Variants in KCND2 observed in about 807,000 individuals in gnomAD.
KCND2 encodes A-type voltage-gated potassium channel KCND2.
KCND2 carries 16 observed loss-of-function variants against 54.4 expected under a neutral mutation model. The observed-to-expected ratio is 0.29, with a 90% CI of 0.20 to 0.45. The LOEUF (loss-of-function observed/expected upper bound fraction) is 0.45, where lower values mean the gene tolerates loss of function less well. Among genes scored for constraint, KCND2 ranks in the 20% least tolerant of loss-of-function variants. KCND2 has a pLI of 1.00. For missense variants in KCND2, 486 were observed against 824.2 expected, an observed-to-expected ratio of 0.59 and a Z score of 5.02; for synonymous variants, 317 against 310.7, an observed-to-expected ratio of 1.02 and a Z score of -0.21.
chr7:120,645,657 A>T (rs1254089672), intron 1 of KCND2, among the ~76,000 whole-genome samples: 1 of 151,466 alleles, frequency 6.6e-6, no homozygotes, highest in African/African-American at 2.4e-5. Context: ...TCTGCTTCCA[A>T]TGGCTGGCCA....
intron 1 of KCND2, among the ~76,000 whole-genome samples, chr7:120,715,182 C>G (rs1178884745): frequency 1.3e-5 from 2 of 151,856 alleles, no homozygotes; most frequent in East Asian, 3.9e-4. Context: ...AGGGATTTGG[C>G]ACAGTTTTTA....
intron 1 of KCND2, among the ~76,000 whole-genome samples, chr7:120,603,346 C>T (rs1792838251): frequency 6.6e-6 from 1 of 152,170 alleles, no homozygotes; most frequent in African/African-American, 2.4e-5. Flanking sequence ...CTGAATCGCA[C>T]TTTTTCAAAT....
rs1793038098 is a variant in KCND2, at chr7:120,748,821, A to G, written c.*963A>G. On this transcript the variant is annotated 3_prime_UTR_variant, in exon 6 of 6. Coordinates refer to ENST00000331113, the MANE Select transcript of KCND2 (RefSeq NM_012281.3). ...GACACAGTGCATTATCTGTTCTTGT[A>G]TTTCTATAGCACCTCTCTATTGGGT... 6.6e-6 allele frequency: 1 copy of G among 151,854 alleles called. No homozygotes were observed. The highest frequency in any genetic ancestry group is 2.1e-4 in the South Asian group (1 of 4,824). 9.4% of individuals were successfully genotyped at this position (151,854 alleles called of 1,614,324 possible). A position where few individuals can be genotyped will look rare whatever the true frequency, so the allele number is the denominator to read the frequency against.
At position 120,274,747 on chromosome 7, in the gene KCND2, C is replaced by G. The variant is rs1272011851; in HGVS notation, c.115C>G (p.Gln39Glu). ...CCCGAGGCAGGAGAGGAAAAGGACCCAAGATGCTCTCATTGTGCTGAATGT... is the reference window on the plus strand; with the variant it reads ...CCCGAGGCAGGAGAGGAAAAGGACCGAAGATGCTCTCATTGTGCTGAATGT... ...APPRQERKRT[Q>E]DALIVLNVSG... The change falls in exon 1 of 6, where the codon CAA (glutamine) becomes GAA (glutamate). Residue 39 changes from glutamine to glutamate, a missense_variant. By Grantham distance (29) the Gln-to-Glu change is conservative. This residue lies in a region of KCND2 where 231 missense variants were observed against 386.0 expected (regional missense o/e 0.60). Coordinates refer to ENST00000331113, the MANE Select transcript of KCND2 (RefSeq NM_012281.3). 9.3e-6 allele frequency: 15 copies of G among 1,614,098 alleles called. No homozygotes were observed. Among genetic ancestry groups the G allele is most frequent in the Admixed American group, 1.7e-5 (1 of 60,022 alleles).
chr7:120,550,141 A>G (rs1037186604), intron 1 of KCND2, among the ~76,000 whole-genome samples: 13 of 151,958 alleles, frequency 8.6e-5, no homozygotes, highest in Admixed American at 5.9e-4. Context: ...TCCACGCCAT[A>G]ACCAATAATT....
At position 120,668,702 on chromosome 7, in the gene KCND2, A is replaced by G. The variant is rs542665984; in HGVS notation, c.1116-64201A>G. ...ATTTGATAGTATATGACTCGAGAAA[A>G]GATTATTAAGAAGAAATATAAGGCA... On this transcript the variant is annotated intron_variant, in intron 1 of 5. Transcript: ENST00000331113. Among the ~76,000 whole-genome samples, 65 of 152,152 alleles carry G rather than the reference A, an allele frequency of 4.3e-4. No homozygotes were observed. In the South Asian group the frequency reaches 0.013, roughly 31 times the overall value.
intron 1 of KCND2, among the ~76,000 whole-genome samples, chr7:120,452,947 A>G (rs1317933973): frequency 6.6e-6 from 1 of 152,138 alleles, no homozygotes; most frequent in Non-Finnish European, 1.5e-5. Flanking sequence ...CAACCTGGCC[A>G]TTCCTGCTAG....
At chr7:120,616,275 A>G (rs545524240) in intron 1 of KCND2, among the ~76,000 whole-genome samples, 42 of 152,334 alleles carry the variant, frequency 2.8e-4, no homozygotes, top group African/African-American at 9.6e-4. Flanking sequence ...AATTTTCTCA[A>G]CTAGAAAATT....
intron 1 of KCND2, among the ~76,000 whole-genome samples, chr7:120,667,701 ATCTTT>A (rs760477637): frequency 3.3e-5 from 5 of 152,072 alleles, no homozygotes; most frequent in Non-Finnish European, 7.4e-5. Flanking sequence ...AACCAAATGT[ATCTTT>A]CTCATAGTAA....
chr7:120,411,041 C>T (rs373297690), intron 1 of KCND2, among the ~76,000 whole-genome samples: 15 of 151,892 alleles, frequency 9.9e-5, no homozygotes, highest in Admixed American at 3.3e-4. Flanking sequence ...AAAACCCCAT[C>T]GTCTCAGCCC....
At chr7:120,683,068 A>G (rs1792160251) in intron 1 of KCND2, among the ~76,000 whole-genome samples, 1 of 152,168 alleles carries the variant, frequency 6.6e-6, no homozygotes, top group Admixed American at 6.6e-5. Flanking sequence ...TCATTGCCAA[A>G]GACAGATGGG....
At chr7:120,392,988 A>G (rs1801100490) in intron 1 of KCND2, among the ~76,000 whole-genome samples, 1 of 151,996 alleles carries the variant, frequency 6.6e-6, no homozygotes. Flanking sequence ...ATTATATTAC[A>G]TTGTTTCCAC....
At chr7:120,627,123 C>T (rs907576876) in intron 1 of KCND2, among the ~76,000 whole-genome samples, 6 of 152,292 alleles carry the variant, frequency 3.9e-5, no homozygotes, top group African/African-American at 1.4e-4. Context: ...AACCTGGATG[C>T]AACTGGAAAT....
At position 120,277,637 on chromosome 7, in the gene KCND2, G is replaced by A. The variant is rs150512009; in HGVS notation, c.1115+1890G>A. ...TTGATGAGAATTCTAATTTCATATAGCTAATAGTTCTATACTAGACTTGAG... is the reference window on the plus strand; with the variant it reads ...TTGATGAGAATTCTAATTTCATATAACTAATAGTTCTATACTAGACTTGAG... On this transcript the variant is annotated intron_variant, in intron 1 of 5. Coordinates refer to ENST00000331113, the MANE Select transcript of KCND2 (RefSeq NM_012281.3). Among the ~76,000 whole-genome samples, 232 of 152,018 alleles carry A rather than the reference G, an allele frequency of 1.5e-3. 1 individual carries two copies. The highest frequency in any genetic ancestry group is 5.1e-3 in the African/African-American group (213 of 41,514).
chr7:120,596,882 C>A (rs192183990), intron 1 of KCND2, among the ~76,000 whole-genome samples: 39 of 152,206 alleles, frequency 2.6e-4, no homozygotes, highest in African/African-American at 8.4e-4. Flanking sequence ...ATAAATAATC[C>A]TCGTTAACAT....
chr7:120,492,678 A>G (rs1802801154), intron 1 of KCND2, among the ~76,000 whole-genome samples: 1 of 152,070 alleles, frequency 6.6e-6, no homozygotes, highest in South Asian at 2.1e-4. Flanking sequence ...CCATGGGGTT[A>G]CATTCCTATA....
intron 1 of KCND2, among the ~76,000 whole-genome samples, chr7:120,351,381 C>G (rs945573599): frequency 1.4e-4 from 21 of 146,102 alleles, no homozygotes; most frequent in East Asian, 7.9e-4. Flanking sequence ...CACACACACA[C>G]ACACACACAC....
intron 1 of KCND2, among the ~76,000 whole-genome samples, chr7:120,421,566 C>T (rs927719883): frequency 2.5e-4 from 38 of 152,204 alleles, no homozygotes; most frequent in African/African-American, 9.2e-4. Flanking sequence ...ATCACACTCT[C>T]TGTGATGACA....
At chr7:120,323,075 A>G (rs1799916194) in intron 1 of KCND2, among the ~76,000 whole-genome samples, 1 of 152,022 alleles carries the variant, frequency 6.6e-6, no homozygotes. Flanking sequence ...GGTTTGCTGC[A>G]CCTATCAACC....
Sources: gnomAD v4.1 joint callset for allele counts (sites outside exome capture counted in the v4.1 genomes callset) on GRCh38, gnomAD v4.1.1 for gene constraint, gnomAD v4.1.1 regional missense constraint, MANE v1.5 for transcripts, NCBI Gene and HGNC (gene_info 2026-07-23, HGNC 2026-07-21) for gene names.